The following POT1 variants were observed in gnomAD, a reference collection of about 807,000 sequenced individuals.
POT1 encodes the protein protection of telomeres protein 1.
A neutral mutation model predicts 78.5 loss-of-function variants in POT1; 47 were observed. The ratio of observed to expected loss-of-function variants is 0.60; its 90% CI spans 0.47 to 0.76. The LOEUF is 0.76. Ranked by LOEUF, POT1 falls within the 30% of genes least tolerant of loss-of-function variation. The pLI, the probability that POT1 is intolerant of heterozygous loss-of-function variation, is 0.00. For missense variants in POT1, 646 were observed against 749.9 expected (o/e 0.86, Z 1.62); for synonymous variants, 259 against 260.7 (o/e 0.99, Z 0.06).
Position 124,851,853 on chromosome 7 carries a change from T to C in POT1, c.949+19A>G. 1 of 1,507,362 alleles carries C rather than the reference T, an allele frequency of 6.6e-7. No individual in the cohort carries two copies. The allele number at this position is 1,507,362 out of a possible 1,614,324, so 93.4% of individuals were successfully genotyped here. ...TATTTAGCAAGAACTAAACTGTCAA[T>C]GTTAAAGATTATCCTTACTTGGAAA... On this transcript the variant is annotated intron_variant, in intron 11 of 18. Coordinates refer to ENST00000357628, the MANE Select transcript of POT1 (RefSeq NM_015450.3).
intron 5 of POT1, among the ~76,000 whole-genome samples, chr7:124,894,111 A>G (rs1796437095): frequency 6.6e-6 from 1 of 151,608 alleles, no homozygotes; most frequent in Admixed American, 6.6e-5. Flanking sequence ...CCCAACATCA[A>G]ATGGAAATAA....
At chr7:124,898,926 A>C (rs1043788610) in intron 3 of POT1, among the ~76,000 whole-genome samples, 2 of 152,162 alleles carry the variant, frequency 1.3e-5, no homozygotes, top group African/African-American at 4.8e-5. Flanking sequence ...TCATTCTTTA[A>C]ATTTCCTTTT....
At chr7:124,828,871 C>G in intron 16 of POT1, 1 of 530,386 alleles carries the variant, frequency 1.9e-6, no homozygotes, top group Non-Finnish European at 3.7e-6. Flanking sequence ...ACATTTCAGG[C>G]TAGTAGAAGC....
At chr7:124,894,936 T>C (rs547498539) in intron 5 of POT1, among the ~76,000 whole-genome samples, 1 of 151,746 alleles carries the variant, frequency 6.6e-6, no homozygotes, top group South Asian at 2.1e-4. Flanking sequence ...GATCTGAAAA[T>C]AGTTTCACAC....
At chr7:124,906,383 G>C (rs1013389386) in intron 3 of POT1, among the ~76,000 whole-genome samples, 5 of 151,342 alleles carry the variant, frequency 3.3e-5, no homozygotes, top group Non-Finnish European at 5.9e-5. Context: ...GGAAACTATT[G>C]CAAGGACAGA....
chr7:124,846,604 T>C (rs10280030), intron 12 of POT1, among the ~76,000 whole-genome samples: 103,493 of 151,688 alleles, frequency 0.68, 35,336 homozygotes, highest in East Asian at 0.8. Context: ...TTTAAAGATA[T>C]GTGTCTTTAC....
intron 11 of POT1, among the ~76,000 whole-genome samples, chr7:124,850,731 C>CAA (rs948338250): frequency 7.6e-4 from 109 of 144,056 alleles, no homozygotes; most frequent in African/African-American, 2.7e-3. Context: ...GACTCTGTCT[C>CAA]AAAAAAAAAC....
At chr7:124,915,495 A>G (rs2116697424) in intron 3 of POT1, 79 bp downstream of exon 3, 1 of 152,318 alleles carries the variant, frequency 6.6e-6, no homozygotes, top group East Asian at 1.9e-4. Flanking sequence ...TAGAATACAC[A>G]CACATATATA....
intron 2 of POT1, among the ~76,000 whole-genome samples, chr7:124,923,862 A>C (rs900359265): frequency 1.5e-4 from 23 of 151,744 alleles, no homozygotes; most frequent in African/African-American, 5.1e-4. Context: ...ACAGGCCAGA[A>C]GAGAAAGAAT....
At chr7:124,871,086 G>C (rs765048188) in intron 6 of POT1, 45 bp from the exon 7 acceptor site, 2 of 1,500,392 alleles carry the variant, frequency 1.3e-6, no homozygotes, top group Non-Finnish European at 1.8e-6. Context: ...ATATTTTAAA[G>C]CATTTGATAA....
chr7:124,857,984 C>T (rs1369472165), intron 9 of POT1, among the ~76,000 whole-genome samples: 1 of 152,136 alleles, frequency 6.6e-6, no homozygotes, highest in Non-Finnish European at 1.5e-5. Context: ...TCTGCCCGTG[C>T]CCAAAAGCCT....
chr7:124,881,699 A>G (rs1470384762), intron 6 of POT1, among the ~76,000 whole-genome samples: 1 of 152,112 alleles, frequency 6.6e-6, no homozygotes, highest in East Asian at 1.9e-4. Flanking sequence ...TGACTTCACA[A>G]ATAAAAATAT....
chr7:124,825,449 A>G, intron 17 of POT1, 92 bp from the exon 18 acceptor site: 1 of 765,742 alleles, frequency 1.3e-6, no homozygotes, highest in Non-Finnish European at 2.0e-6. Flanking sequence ...TGTCCAATTA[A>G]AAGATAATCT....
chr7:124,906,121 C>T (rs989752442), intron 3 of POT1, among the ~76,000 whole-genome samples: 1 of 152,062 alleles, frequency 6.6e-6, no homozygotes, highest in African/African-American at 2.4e-5. Flanking sequence ...CCATTTGACC[C>T]AGCCATCCCA....
chr7:124,918,960 TG>T (rs1563023010), intron 2 of POT1, among the ~76,000 whole-genome samples: 1 of 152,112 alleles, frequency 6.6e-6, no homozygotes, highest in Non-Finnish European at 1.5e-5. Context: ...GAGTTATTGC[TG>T]AGAATAATAT....
At chr7:124,891,998 T>G (rs1259530156) in intron 6 of POT1, among the ~76,000 whole-genome samples, 1 of 151,664 alleles carries the variant, frequency 6.6e-6, no homozygotes, top group Non-Finnish European at 1.5e-5. Flanking sequence ...CCTTTTCCAG[T>G]GAATTTTATA....
chr7:124,900,993 G>A (rs141648138), intron 3 of POT1, among the ~76,000 whole-genome samples: 2,178 of 152,236 alleles, frequency 0.014, 56 homozygotes, highest in African/African-American at 0.048. Context: ...TAAACAAAGC[G>A]GCTGGGAAGC....
chr7:124,873,435 A>G (rs1795916670), intron 6 of POT1, among the ~76,000 whole-genome samples: 1 of 152,186 alleles, frequency 6.6e-6, no homozygotes, highest in Admixed American at 6.5e-5. Flanking sequence ...ACCCTTGAAT[A>G]CCTGGAATAA....
chr7:124,903,668 T>C (rs1796681434), intron 3 of POT1, among the ~76,000 whole-genome samples: 1 of 151,848 alleles, frequency 6.6e-6, no homozygotes, highest in African/African-American at 2.4e-5. Flanking sequence ...AAGAAAAAAC[T>C]AAGATCAGAG....
Sources: gnomAD v4.1 joint callset for allele counts (sites outside exome capture counted in the v4.1 genomes callset) on GRCh38, gnomAD v4.1.1 for gene constraint, MANE v1.5 for transcripts, NCBI Gene and HGNC (gene_info 2026-07-23, HGNC 2026-07-21) for gene names.